Variants in TRABD2B observed in about 807,000 individuals in gnomAD.
The protein encoded by TRABD2B is metalloprotease TIKI2.
A neutral mutation model predicts 40.1 loss-of-function variants in TRABD2B; 14 were observed. That is an observed-to-expected ratio of 0.35 (90% CI 0.23 to 0.55). TRABD2B has a LOEUF of 0.55. Among genes scored for constraint, TRABD2B ranks in the 20% least tolerant of loss-of-function variants. The pLI is 0.90. For missense variants in TRABD2B, 541 were observed against 648.6 expected (o/e 0.83, Z 1.80); for synonymous variants, 263 against 277.0 (o/e 0.95, Z 0.50).
At chr1:47,871,760 A>G (rs977385040) in intron 2 of TRABD2B, among the ~76,000 whole-genome samples, 1 of 152,212 alleles carries the variant, frequency 6.6e-6, no homozygotes, top group Admixed American at 6.5e-5. Flanking sequence ...TCTGACCTCC[A>G]TTCCAGTGCT....
intron 6 of TRABD2B, among the ~76,000 whole-genome samples, chr1:47,771,234 CCT>C (rs58875174): frequency 0.098 from 14,934 of 152,192 alleles, 889 homozygotes; most frequent in African/African-American, 0.16. Context: ...CGTCTCTTCC[CCT>C]CTTTGAGAGC....
chr1:47,907,639 G>A (rs909378685), intron 2 of TRABD2B, among the ~76,000 whole-genome samples: 2 of 152,126 alleles, frequency 1.3e-5, no homozygotes, highest in African/African-American at 2.4e-5. Flanking sequence ...GCCAGTTGCC[G>A]GGTGCACTCA....
At chr1:47,952,499 T>C (rs999299873) in intron 2 of TRABD2B, among the ~76,000 whole-genome samples, 1 of 152,188 alleles carries the variant, frequency 6.6e-6, no homozygotes, top group African/African-American at 2.4e-5. Context: ...TCCAGTCCCA[T>C]CTGCTGACTG....
At chr1:47,876,283 A>T (rs1644224347) in intron 2 of TRABD2B, among the ~76,000 whole-genome samples, 1 of 152,198 alleles carries the variant, frequency 6.6e-6, no homozygotes, top group African/African-American at 2.4e-5. Context: ...CATGGGAAAA[A>T]GCCACATAAA....
chr1:47,863,360 T>C (rs909903624), intron 2 of TRABD2B, among the ~76,000 whole-genome samples: 1 of 43,494 alleles, frequency 2.3e-5, no homozygotes, highest in East Asian at 1.4e-3. Context: ...ATTGGATATA[T>C]CCTATATAAT....
At chr1:47,990,827 AT>A in intron 2 of TRABD2B, among the ~76,000 whole-genome samples, 1 of 80,876 alleles carries the variant, frequency 1.2e-5, no homozygotes, top group Non-Finnish European at 2.3e-5. Flanking sequence ...ATATATATAT[AT>A]ATATATAAAA....
intron 2 of TRABD2B, among the ~76,000 whole-genome samples, chr1:47,991,029 C>T (rs1310415998): frequency 6.6e-6 from 1 of 151,002 alleles, no homozygotes; most frequent in African/African-American, 2.4e-5. Context: ...GCCCTCAAGT[C>T]CTAAAGGGGA....
At chr1:47,774,428 A>T (rs1644415884) in intron 6 of TRABD2B, among the ~76,000 whole-genome samples, 1 of 152,172 alleles carries the variant, frequency 6.6e-6, no homozygotes, top group Admixed American at 6.5e-5. Flanking sequence ...TGTTCACTAA[A>T]TATGGAGACT....
At chr1:47,916,495 C>G (rs530123628) in intron 2 of TRABD2B, among the ~76,000 whole-genome samples, 1 of 152,270 alleles carries the variant, frequency 6.6e-6, no homozygotes, top group African/African-American at 2.4e-5. Flanking sequence ...CAGCTAATTA[C>G]TGGGGACCAG....
At chr1:47,803,502 C>T (rs1248923121) in intron 2 of TRABD2B, among the ~76,000 whole-genome samples, 1 of 152,166 alleles carries the variant, frequency 6.6e-6, no homozygotes, top group Non-Finnish European at 1.5e-5. Context: ...GAATAGCCAA[C>T]AGCCTGCCAA....
At chr1:47,973,995 T>C (rs1479429120) in intron 2 of TRABD2B, among the ~76,000 whole-genome samples, 1 of 152,036 alleles carries the variant, frequency 6.6e-6, no homozygotes, top group African/African-American at 2.4e-5. Context: ...TCTCAACTAT[T>C]GGGGAGGCTG....
intron 2 of TRABD2B, among the ~76,000 whole-genome samples, chr1:47,889,213 T>G (rs114669989): frequency 1.8e-3 from 279 of 152,318 alleles, no homozygotes; most frequent in African/African-American, 6.1e-3. Flanking sequence ...CAACACACCT[T>G]AGCCTCATGG....
chr1:47,921,468 T>G (rs956428785), intron 2 of TRABD2B, among the ~76,000 whole-genome samples: 8 of 152,156 alleles, frequency 5.3e-5, no homozygotes, highest in Non-Finnish European at 1.0e-4. Flanking sequence ...ACAACTTTCA[T>G]GACAAGAGAG....
chr1:47,850,047 C>T (rs2124517271), intron 2 of TRABD2B, among the ~76,000 whole-genome samples: 1 of 152,378 alleles, frequency 6.6e-6, no homozygotes, highest in Middle Eastern at 3.4e-3. Flanking sequence ...CTTCGAGCTA[C>T]TTGTTTATAC....
At chr1:47,774,525 C>T (rs1644416961) in intron 6 of TRABD2B, among the ~76,000 whole-genome samples, 1 of 152,164 alleles carries the variant, frequency 6.6e-6, no homozygotes, top group Non-Finnish European at 1.5e-5. Context: ...CACAGCAGGA[C>T]TTTGGTGACA....
chr1:47,776,947 G>T (rs1188489798), intron 5 of TRABD2B, among the ~76,000 whole-genome samples: 8 of 152,310 alleles, frequency 5.3e-5, no homozygotes, highest in African/African-American at 1.9e-4. Context: ...ACCTGTGGCC[G>T]ATGATGGCTT....
intron 2 of TRABD2B, among the ~76,000 whole-genome samples, chr1:47,898,121 T>C (rs1270405548): frequency 1.3e-5 from 2 of 152,124 alleles, no homozygotes; most frequent in African/African-American, 2.4e-5. Context: ...AAGGGAAGAA[T>C]CTAGGCATAA....
At chr1:47,872,264 C>A (rs1168552125) in intron 2 of TRABD2B, among the ~76,000 whole-genome samples, 1 of 152,178 alleles carries the variant, frequency 6.6e-6, no homozygotes, top group Non-Finnish European at 1.5e-5. Flanking sequence ...CATTCCACTC[C>A]CTTTCTGGGT....
At chr1:47,915,920 G>A (rs1644824567) in intron 2 of TRABD2B, among the ~76,000 whole-genome samples, 1 of 152,176 alleles carries the variant, frequency 6.6e-6, no homozygotes, top group South Asian at 2.1e-4. Flanking sequence ...CAGGTCTCCG[G>A]GAGACACCTG....
Sources: gnomAD v4.1 joint callset for allele counts (sites outside exome capture counted in the v4.1 genomes callset) on GRCh38, gnomAD v4.1.1 for gene constraint, MANE v1.5 for transcripts, NCBI Gene and HGNC (gene_info 2026-07-23, HGNC 2026-07-21) for gene names.